The following FAN1 variants were observed in gnomAD, a reference collection of about 807,000 sequenced individuals.
FAN1 encodes FANCD2 and FANCI associated nuclease 1.
FAN1 carries 91 observed loss-of-function variants against 104.9 expected under a neutral mutation model. That is an observed-to-expected ratio of 0.87 (90% confidence interval 0.73 to 1.03). The LOEUF is 1.03. Among genes scored for constraint, FAN1 ranks in the 50% least tolerant of loss-of-function variants. The probability of loss-of-function intolerance (pLI) is 0.00; values close to 1 mark genes in which losing one functional copy is unlikely to be tolerated. For missense variants in FAN1, 1,263 were observed against 1,239.9 expected (o/e 1.02, Z -0.28); for synonymous variants, 478 against 457.6 (o/e 1.04, Z -0.57).
chr15:30,938,197 T>A (rs879236422), intron 14 of FAN1, among the ~76,000 whole-genome samples: 1 of 151,368 alleles, frequency 6.6e-6, no homozygotes, highest in South Asian at 2.1e-4. Flanking sequence ...AAAAAAAAAA[T>A]TTAAAAACTA....
rs955311660 is a variant in FAN1, at chr15:30,921,028, C to T, written c.2052+375C>T. Among the ~76,000 whole-genome samples the T allele has an allele frequency of 7.9e-5, 12 of 152,330 alleles. No homozygotes were observed. In the South Asian group the frequency reaches 8.3e-4, roughly 11 times the overall value. On this transcript the variant is annotated intron_variant, in intron 7 of 14. Transcript: ENST00000362065. The stretch of plus-strand genomic sequence containing the variant: ...CGAACTCCTGGGCTCAAGTGATTTG[C>T]CCACCTTGGCCTCTGATGCTTTGAC...
At position 30,922,311 on chromosome 15, in the gene FAN1, G is replaced by C. The variant is rs757663803; in HGVS notation, c.2129G>C (p.Arg710Pro). ...CPDSRGRWWD[R>P]LALNLHQHLK... Reference sequence around the variant, plus strand: ...GACAGCAGAGGCCGATGGTGGGATCGACTGGCCCTTAATTTACACCAGCAC... The same window carrying C: ...GACAGCAGAGGCCGATGGTGGGATCCACTGGCCCTTAATTTACACCAGCAC... Residue 710 changes from arginine (R) to proline (P), a missense_variant, in exon 8 of 15, where the codon CGA becomes CCA. Transcript: ENST00000362065. 1.9e-6 allele frequency: 3 copies of C among 1,613,936 alleles called. No homozygotes were observed. The highest frequency in any genetic ancestry group is 2.2e-5 in the South Asian group (2 of 91,010).
chr15:30,941,634 G>T lies in FAN1; in HGVS notation c.*72G>T, dbSNP rs753503915. The T allele has an allele frequency of 1.9e-6, 3 of 1,608,044 alleles. No homozygotes were observed. Among genetic ancestry groups the T allele is most frequent in the Non-Finnish European group, 2.5e-6 (3 of 1,177,096 alleles). On this transcript the variant is annotated 3_prime_UTR_variant, in exon 15 of 15. Coordinates refer to ENST00000362065, the MANE Select transcript of FAN1 (RefSeq NM_014967.5). Reference sequence around the variant, plus strand: ...GGTGTCCCCGAGGTGTCGGTGTGGTGAGGGCCGCTGGCGTTGAAGTACATC... The same window carrying T: ...GGTGTCCCCGAGGTGTCGGTGTGGTTAGGGCCGCTGGCGTTGAAGTACATC...
intron 6 of FAN1, among the ~76,000 whole-genome samples, chr15:30,919,868 A>C (rs1457452294): frequency 6.6e-6 from 1 of 152,208 alleles, no homozygotes. Context: ...GAAGCAGAAG[A>C]AAATCCACAT....
Position 30,942,210 on chromosome 15 carries a change from G to C in FAN1, c.*648G>C. On this transcript the variant is annotated 3_prime_UTR_variant, in exon 15 of 15. Transcript: ENST00000362065. ...AAAGAACATTTTCCTCCCTTCCTTT[G>C]TGTCCTTATTCTAATCCTCCTCCCC... The C allele has an allele frequency of 9.3e-7, 1 of 1,072,462 alleles. No individual in the cohort carries two copies. The allele number at this position is 1,072,462 out of a possible 1,614,324, so 66.4% of individuals were successfully genotyped here. A position where few individuals can be genotyped will look rare whatever the true frequency, so the allele number is the denominator to read the frequency against.
chr15:30,919,878 T>C (rs1469009853), intron 6 of FAN1, among the ~76,000 whole-genome samples: 3 of 152,128 alleles, frequency 2.0e-5, no homozygotes, highest in African/African-American at 4.8e-5. Context: ...AAAATCCACA[T>C]ATAAGTGGAC....
rs114257817 is a variant in FAN1, at chr15:30,910,294, G to A, written c.1376-320G>A. On this transcript the variant is annotated intron_variant, in intron 3 of 14. Transcript: ENST00000362065. ...TCCCATTTTGTAGGGGTTTTGTGAC[G>A]AGAAAGGCAGGGAGTATATATTCCA... is the stretch of plus-strand genomic sequence containing the variant. Among the ~76,000 whole-genome samples the A allele has an allele frequency of 0.019, 2,870 of 152,306 alleles. 91 individuals carry two copies. Among genetic ancestry groups the A allele is most frequent in the African/African-American group, 0.066 (2,736 of 41,564 alleles).
Position 30,942,438 on chromosome 15 carries a change from CTTTGTTCTGTACCTTTCAGTA to C in FAN1, c.*877_*897del. 3.1e-6 allele frequency: 1 copy of C among 318,938 alleles called. No homozygotes were observed. 19.8% of individuals were successfully genotyped at this position (318,938 alleles called of 1,614,324 possible). On this transcript the variant is annotated 3_prime_UTR_variant, in exon 15 of 15. Transcript: ENST00000362065. ...CAGTCAGGAGGCCAAATGTCTGATTCTTTGTTCTGTACCTTTCAGTAGTCTGCAAATTTTCTACCAAAAAAA... is the reference window on the plus strand; with the variant it reads ...CAGTCAGGAGGCCAAATGTCTGATTCGTCTGCAAATTTTCTACCAAAAAAA...
At chr15:30,920,112 G>C (rs2062290797) in intron 6 of FAN1, among the ~76,000 whole-genome samples, 1 of 152,216 alleles carries the variant, frequency 6.6e-6, no homozygotes, top group East Asian at 1.9e-4. Context: ...AAGTACGTAT[G>C]CAAATGAATG....
chr15:30,928,660 C>T lies in FAN1; in HGVS notation c.2592+4C>T, dbSNP rs763322755. Reference sequence around the variant, plus strand: ...TGTCTTCAGAAACGCCTGTCAGGTACTCCAGTGCCCCTGCCCCACGAGTAG... The same window carrying T: ...TGTCTTCAGAAACGCCTGTCAGGTATTCCAGTGCCCCTGCCCCACGAGTAG... On this transcript the variant is annotated splice_donor_region_variant and intron_variant, in intron 11 of 14. Transcript: ENST00000362065. 3.7e-6 allele frequency: 6 copies of T among 1,613,824 alleles called. No homozygotes were observed. In the Admixed American group the frequency reaches 6.7e-5, roughly 18 times the overall value.
At chr15:30,941,038 A>G (rs2063029721) in intron 14 of FAN1, 1 of 1,172,434 alleles carries the variant, frequency 8.5e-7, no homozygotes, top group Non-Finnish European at 1.1e-6. Flanking sequence ...AACCAGAAAA[A>G]TACATGAATA....
intron 13 of FAN1, among the ~76,000 whole-genome samples, chr15:30,936,229 AG>A (rs2062849651): frequency 6.6e-6 from 1 of 152,182 alleles, no homozygotes; most frequent in Non-Finnish European, 1.5e-5. Flanking sequence ...CCATGAAAGA[AG>A]TGCATAGGGA....
At position 30,925,218 on chromosome 15, in the gene FAN1, A is replaced by T. The variant is rs1371206389; in HGVS notation, c.2264A>T (p.Glu755Val). 31 of 1,613,936 alleles carry T rather than the reference A, an allele frequency of 1.9e-5. No homozygotes were observed. The highest frequency in any genetic ancestry group is 2.4e-5 in the Non-Finnish European group (28 of 1,180,024). ...TATCAGCGAGCCGTGCGCCTGCGAGAGTCTCCGAGCTGTAAAAAGTTCAAG... is the reference window on the plus strand; with the variant it reads ...TATCAGCGAGCCGTGCGCCTGCGAGTGTCTCCGAGCTGTAAAAAGTTCAAG... ...SLYQRAVRLR[E>V]SPSCKKFKHL... Residue 755 changes from glutamate (E) to valine (V), a missense_variant, in exon 9 of 15, where the codon GAG (glutamate) becomes GTG (valine). Physicochemically the swap from Glu to Val is moderately radical, Grantham distance 121. Coordinates refer to ENST00000362065, the MANE Select transcript of FAN1 (RefSeq NM_014967.5).
Position 30,942,179 on chromosome 15 carries a change from A to G in FAN1, c.*617A>G. 1 of 1,329,974 alleles carries G rather than the reference A, an allele frequency of 7.5e-7. No homozygotes were observed. Among genetic ancestry groups the G allele is most frequent in the African/African-American group, 1.5e-5 (1 of 68,254 alleles). 82.4% of individuals were successfully genotyped at this position (1,329,974 alleles called of 1,614,324 possible). On this transcript the variant is annotated 3_prime_UTR_variant, in exon 15 of 15. Transcript: ENST00000362065. The stretch of plus-strand genomic sequence containing the variant: ...TACTATGAAAAATTAATGGAATTTC[A>G]GCCTCAAAGAACATTTTCCTCCCTT...
chr15:30,915,377 T>C (rs894580242), intron 5 of FAN1, among the ~76,000 whole-genome samples: 1 of 152,228 alleles, frequency 6.6e-6, no homozygotes, highest in African/African-American at 2.4e-5. Context: ...TCTGTTGTTC[T>C]GTAGCAGTGT....
chr15:30,940,951 G>A (rs778741454), intron 14 of FAN1: 13 of 1,088,798 alleles, frequency 1.2e-5, no homozygotes, highest in Non-Finnish European at 1.5e-5. Context: ...TCCAAAGAAG[G>A]TGATCTAAAA....
chr15:30,928,603 T>G lies in FAN1; in HGVS notation c.2539T>G (p.Trp847Gly). Residue 847 changes from tryptophan to glycine, a missense_variant, in exon 11 of 15, where the codon TGG (tryptophan) becomes GGG (glycine). Physicochemically the swap from Trp to Gly is radical, Grantham distance 184 (BLOSUM62 -2). This residue lies in a region of FAN1 where 581 missense variants were observed against 668.8 expected (regional missense o/e 0.87). Coordinates refer to ENST00000362065, the MANE Select transcript of FAN1 (RefSeq NM_014967.5). Reference sequence around the variant, plus strand: ...CAGCACCCTGTATGGCCTCCTCCTGTGGGACATCATCTTCATGGATGGGAT... The same window carrying G: ...CAGCACCCTGTATGGCCTCCTCCTGGGGGACATCATCTTCATGGATGGGAT... Reference protein sequence around the residue: ...TFSTLYGLLLWDIIFMDGIPD... With the variant: ...TFSTLYGLLLGDIIFMDGIPD... 4.3e-6 allele frequency: 7 copies of G among 1,613,218 alleles called. No homozygotes were observed. The highest frequency in any genetic ancestry group is 5.9e-6 in the Non-Finnish European group (7 of 1,179,834).
chr15:30,930,673 T>G lies in FAN1; in HGVS notation c.2916+2T>G. 2 of 1,612,646 alleles carry G rather than the reference T, an allele frequency of 1.2e-6. No individual in the cohort carries two copies. Among genetic ancestry groups the G allele is most frequent in the Admixed American group, 3.4e-5 (2 of 59,654 alleles). On this transcript the variant is annotated splice_donor_variant, in intron 13 of 14. Transcript: ENST00000362065. LOFTEE classifies it high-confidence loss of function. The stretch of plus-strand genomic sequence containing the variant: ...AACTCCCAGAGCCGTCACTTTAAGG[T>G]CAGTTGAGGCAGAATGGAAAGTCCT...
chr15:30,932,794 C>G (rs2062750372), intron 13 of FAN1, among the ~76,000 whole-genome samples: 1 of 148,704 alleles, frequency 6.7e-6, no homozygotes, highest in South Asian at 2.2e-4. Context: ...CTCACTGCAA[C>G]TTCCGCCTCC....
Sources: allele counts gnomAD v4.1 joint callset (sites outside exome capture counted in the v4.1 genomes callset), GRCh38; gene constraint gnomAD v4.1.1; regional missense constraint gnomAD v4.1.1; transcripts MANE v1.5; gene names NCBI Gene and HGNC (gene_info 2026-07-23, HGNC 2026-07-21).